VGLL4: variants seen among roughly 807,000 people sequenced by gnomAD.
VGLL4 encodes the protein transcription cofactor vestigial-like protein 4.
A neutral mutation model predicts 21.0 loss-of-function variants in VGLL4; 7 were observed. The ratio of observed to expected loss-of-function variants is 0.33; its 90% CI spans 0.19 to 0.63. The LOEUF is 0.63. VGLL4 is among the 20% of genes least tolerant of loss of function. VGLL4 has a pLI of 0.78. For synonymous variants in VGLL4, 222 were observed against 173.2 expected (o/e 1.28, Z -2.21); for missense variants, 394 against 425.7 (o/e 0.93, Z 0.66).
At chr3:11,636,804 GA>G (rs979605220) in intron 1 of VGLL4, among the ~76,000 whole-genome samples, 6 of 151,662 alleles carry the variant, frequency 4.0e-5, no homozygotes, top group Non-Finnish European at 7.4e-5. Context: ...AATACTAACT[GA>G]AAAAAAAGTT....
chr3:11,599,031 C>A (rs1015123535), intron 2 of VGLL4, among the ~76,000 whole-genome samples: 9 of 152,002 alleles, frequency 5.9e-5, no homozygotes, highest in Non-Finnish European at 1.2e-4. Flanking sequence ...ATGCTATAGC[C>A]CAAATAGGAA....
intron 2 of VGLL4, chr3:11,702,731 C>CA (rs370716518): frequency 0.12 from 15,435 of 130,890 alleles, 270 homozygotes; most frequent in Middle Eastern, 0.17. Context: ...GATCCCATCT[C>CA]AAAAAAAAAA....
rs2072755557 is a variant in VGLL4 at position 11,559,371 on chromosome 3, C to T, written c.580G>A (p.Ala194Thr). ...SHCPIAHSGC[A>T]APGPASYRRP... ...CGGTAGCTGGCAGGCCCGGGCGCGG[C>T]ACAGCCGCTGTGCGCGATGGGGCAG... The change falls in exon 4 of 5, where the codon GCC becomes ACC. Residue 194 changes from alanine (A) to threonine (T), a missense_variant. Ala to Thr is a moderately conservative substitution (Grantham distance 58). Coordinates refer to ENST00000430365, the MANE Select transcript of VGLL4 (RefSeq NM_001128219.3). 1.3e-6 allele frequency: 2 copies of T among 1,552,438 alleles called. No individual in the cohort carries two copies. The highest frequency in any genetic ancestry group is 1.7e-6 in the Non-Finnish European group (2 of 1,148,490).
rs3846115 is a variant in VGLL4, at chr3:11,663,065, G to A, written c.64+39906C>T. Among the ~76,000 whole-genome samples the A allele has an allele frequency of 7.5e-3, 1,146 of 152,326 alleles. 14 individuals carry two copies. Among genetic ancestry groups the A allele is most frequent in the African/African-American group, 0.025 (1,059 of 41,570 alleles). On this transcript the variant is annotated intron_variant, in intron 2 of 5. Transcript: ENST00000273038. ...GGGGAAGAGTAAAAGTTGGGAAAGCGAGGCAGCAGAGTAAAAGGTGATCAA... is the reference window on the plus strand; with the variant it reads ...GGGGAAGAGTAAAAGTTGGGAAAGCAAGGCAGCAGAGTAAAAGGTGATCAA...
upstream of VGLL4, among the ~76,000 whole-genome samples, chr3:11,644,168 T>G (rs75545596): frequency 0.033 from 5,007 of 152,226 alleles, 251 homozygotes; most frequent in African/African-American, 0.11. Flanking sequence ...AAGTTTCTTT[T>G]TCAGGAGCTA....
chr3:11,721,218 C>T (rs1258130196), upstream of VGLL4: 1 of 152,222 alleles, frequency 6.6e-6, no homozygotes. Flanking sequence ...AAATGCTTTG[C>T]AGTTTTCAAA....
At chr3:11,691,604 A>G (rs1262711720) in intron 2 of VGLL4, among the ~76,000 whole-genome samples, 1 of 152,160 alleles carries the variant, frequency 6.6e-6, no homozygotes, top group Non-Finnish European at 1.5e-5. Flanking sequence ...TGCCCCTTGG[A>G]CAGGAGTTAC....
chr3:11,619,685 C>A (rs1018904884), intron 1 of VGLL4, among the ~76,000 whole-genome samples: 1 of 152,088 alleles, frequency 6.6e-6, no homozygotes, highest in Non-Finnish European at 1.5e-5. Context: ...AAAATCAGGC[C>A]GATTGATGAT....
chr3:11,570,680 G>T (rs778693277), intron 2 of VGLL4, among the ~76,000 whole-genome samples: 7 of 152,212 alleles, frequency 4.6e-5, no homozygotes, highest in Non-Finnish European at 7.3e-5. Flanking sequence ...TGGTGGCAAA[G>T]ACTTTTTTCT....
chr3:11,607,771 C>T (rs551358990), intron 1 of VGLL4, among the ~76,000 whole-genome samples: 5 of 152,324 alleles, frequency 3.3e-5, no homozygotes, highest in South Asian at 2.1e-4. Context: ...TTTGTTATTA[C>T]AGTTACATCT....
chr3:11,637,842 G>T (rs2075617236), intron 1 of VGLL4, among the ~76,000 whole-genome samples: 1 of 152,038 alleles, frequency 6.6e-6, no homozygotes, highest in Non-Finnish European at 1.5e-5. Context: ...AATGACACAT[G>T]AGTTCATTAA....
chr3:11,562,122 TC>T (rs2073075587), intron 3 of VGLL4, among the ~76,000 whole-genome samples: 1 of 151,854 alleles, frequency 6.6e-6, no homozygotes, highest in East Asian at 1.9e-4. Flanking sequence ...GGTCTCGAAA[TC>T]CTGGCCTCAA....
intron 2 of VGLL4, among the ~76,000 whole-genome samples, chr3:11,686,135 A>G (rs2076444623): frequency 6.6e-6 from 1 of 152,206 alleles, no homozygotes; most frequent in African/African-American, 2.4e-5. Flanking sequence ...TCCTCAAAAA[A>G]TTTTTAAAAA....
At chr3:11,566,999 G>T (rs2073563889) in intron 2 of VGLL4, among the ~76,000 whole-genome samples, 1 of 152,184 alleles carries the variant, frequency 6.6e-6, no homozygotes, top group Admixed American at 6.5e-5. Context: ...GGAGTCAACT[G>T]GAGGCGCATT....
intron 1 of VGLL4, among the ~76,000 whole-genome samples, chr3:11,640,193 C>T (rs1468034416): frequency 1.3e-5 from 2 of 151,980 alleles, no homozygotes; most frequent in Non-Finnish European, 2.9e-5. Flanking sequence ...TTTTTTGAGT[C>T]AGCCTTCATT....
At chr3:11,619,864 A>AC (rs946797689) in intron 1 of VGLL4, among the ~76,000 whole-genome samples, 1 of 152,116 alleles carries the variant, frequency 6.6e-6, no homozygotes, top group Admixed American at 6.6e-5. Flanking sequence ...CTCTGTAGGA[A>AC]CCAACATGCA....
chr3:11,701,453 C>A (rs1163161647), intron 2 of VGLL4, among the ~76,000 whole-genome samples: 1 of 152,156 alleles, frequency 6.6e-6, no homozygotes, highest in Non-Finnish European at 1.5e-5. Context: ...TATTCCTTTA[C>A]AACAATGTAA....
intron 2 of VGLL4, among the ~76,000 whole-genome samples, chr3:11,584,859 A>G (rs2074325678): frequency 1.3e-5 from 2 of 149,860 alleles, no homozygotes; most frequent in Non-Finnish European, 3.0e-5. Flanking sequence ...GAAGGCGCCC[A>G]TGGTGGGTCC....
chr3:11,587,450 T>G (rs1325025508), intron 2 of VGLL4, among the ~76,000 whole-genome samples: 2 of 152,180 alleles, frequency 1.3e-5, no homozygotes, highest in Non-Finnish European at 2.9e-5. Flanking sequence ...GTGGTGTCAT[T>G]CAAAACCAAC....
Sources: gnomAD v4.1 joint callset for allele counts (sites outside exome capture counted in the v4.1 genomes callset) on GRCh38, gnomAD v4.1.1 for gene constraint, MANE v1.5 for transcripts, NCBI Gene and HGNC (gene_info 2026-07-23, HGNC 2026-07-21) for gene names.